Variants in CPPED1 observed in about 807,000 individuals in gnomAD.
The protein encoded by CPPED1 is serine/threonine-protein phosphatase CPPED1.
A neutral mutation model predicts 28.0 loss-of-function variants in CPPED1; 28 were observed. The ratio of observed to expected loss-of-function variants is 1.00; its 90% CI spans 0.74 to 1.37. CPPED1 has a LOEUF of 1.37. Among genes scored for constraint, CPPED1 ranks in the 40% most tolerant of loss-of-function variants. CPPED1 has a pLI of 0.00. For missense variants in CPPED1, 504 were observed against 416.5 expected (o/e 1.21, Z -1.83); for synonymous variants, 198 against 180.2 (o/e 1.10, Z -0.79).
chr16:12,799,212 G>T (rs904865131), intron 1 of CPPED1, among the ~76,000 whole-genome samples: 2 of 150,174 alleles, frequency 1.3e-5, no homozygotes, highest in Admixed American at 6.6e-5. Context: ...CTTTGATGGT[G>T]TGTGTTTTGG....
intron 1 of CPPED1, among the ~76,000 whole-genome samples, chr16:12,788,373 A>G (rs2080576823): frequency 6.6e-6 from 1 of 152,210 alleles, no homozygotes; most frequent in African/African-American, 2.4e-5. Context: ...ATCTCAGTTA[A>G]TGTCACATTT....
intron 2 of CPPED1, among the ~76,000 whole-genome samples, chr16:12,711,496 G>A (rs11075143): frequency 0.51 from 77,600 of 152,026 alleles, 20,309 homozygotes; most frequent in Admixed American, 0.61. Context: ...GTAACGTTAC[G>A]TATATTCTGC....
intron 2 of CPPED1, among the ~76,000 whole-genome samples, chr16:12,772,004 T>A (rs1292011842): frequency 6.6e-6 from 1 of 152,230 alleles, no homozygotes; most frequent in East Asian, 1.9e-4. Flanking sequence ...ATGCCTGTAA[T>A]CCCAGCTACT....
At chr16:12,788,484 T>A (rs1307625830) in intron 1 of CPPED1, among the ~76,000 whole-genome samples, 1 of 152,154 alleles carries the variant, frequency 6.6e-6, no homozygotes, top group Admixed American at 6.5e-5. Context: ...TTTTCCTACC[T>A]AAGTACTAGA....
At chr16:12,696,703 A>G (rs2079992879) in intron 3 of CPPED1, among the ~76,000 whole-genome samples, 1 of 151,996 alleles carries the variant, frequency 6.6e-6, no homozygotes, top group African/African-American at 2.4e-5. Flanking sequence ...TCAGCCTGCC[A>G]AAGTGCTGGG....
chr16:12,793,488 C>A (rs964378862), intron 1 of CPPED1, among the ~76,000 whole-genome samples: 1 of 152,196 alleles, frequency 6.6e-6, no homozygotes, highest in African/African-American at 2.4e-5. Flanking sequence ...CCCATTTCTA[C>A]CCTTTACCAG....
intron 2 of CPPED1, among the ~76,000 whole-genome samples, chr16:12,714,198 G>A (rs553765743): frequency 4.4e-4 from 67 of 152,214 alleles, no homozygotes; most frequent in African/African-American, 1.4e-3. Context: ...GGACGTTTGG[G>A]TTGTTTCTAC....
At chr16:12,755,106 G>A (rs1344740335) in intron 2 of CPPED1, among the ~76,000 whole-genome samples, 1 of 152,042 alleles carries the variant, frequency 6.6e-6, no homozygotes, top group East Asian at 1.9e-4. Flanking sequence ...TCAAGACTAA[G>A]GTGAACAGTT....
intron 2 of CPPED1, among the ~76,000 whole-genome samples, chr16:12,713,309 A>G (rs531324001): frequency 6.6e-6 from 1 of 152,300 alleles, no homozygotes; most frequent in East Asian, 1.9e-4. Flanking sequence ...ATCTGAATGA[A>G]ATAGCATCAA....
chr16:12,710,679 T>C (rs958953091), intron 2 of CPPED1, among the ~76,000 whole-genome samples: 2 of 152,196 alleles, frequency 1.3e-5, no homozygotes, highest in East Asian at 1.9e-4. Context: ...TGGCAAAGGA[T>C]TGAACAGACA....
intron 2 of CPPED1, among the ~76,000 whole-genome samples, chr16:12,717,481 G>A (rs1298108374): frequency 2.6e-5 from 4 of 152,134 alleles, no homozygotes; most frequent in Non-Finnish European, 4.4e-5. Context: ...AGCCAGGATG[G>A]TCTCAATCTC....
chr16:12,678,664 A>AT (rs2141170846), intron 3 of CPPED1, among the ~76,000 whole-genome samples: 1 of 152,262 alleles, frequency 6.6e-6, no homozygotes, highest in South Asian at 2.1e-4. Flanking sequence ...AAATTGAATT[A>AT]TTTTTGTAAT....
At chr16:12,772,049 G>C (rs2080473134) in intron 2 of CPPED1, among the ~76,000 whole-genome samples, 2 of 152,132 alleles carry the variant, frequency 1.3e-5, no homozygotes, top group Admixed American at 6.6e-5. Context: ...CTTGAACCCG[G>C]GAGGCGGAGG....
chr16:12,742,658 T>G (rs2080262490), intron 2 of CPPED1, among the ~76,000 whole-genome samples: 1 of 152,142 alleles, frequency 6.6e-6, no homozygotes, highest in Non-Finnish European at 1.5e-5. Context: ...GATGTTCAGA[T>G]GAAGACATGA....
chr16:12,742,738 G>C (rs1031719313), intron 2 of CPPED1, among the ~76,000 whole-genome samples: 2 of 152,168 alleles, frequency 1.3e-5, no homozygotes, highest in African/African-American at 2.4e-5. Flanking sequence ...GTGGGGAAAC[G>C]ACAGTTGTTG....
At chr16:12,730,972 G>T (rs1244395723) in intron 2 of CPPED1, among the ~76,000 whole-genome samples, 1 of 152,088 alleles carries the variant, frequency 6.6e-6, no homozygotes, top group Admixed American at 6.6e-5. Context: ...AAGATGGCTT[G>T]AAACTGCATG....
intron 3 of CPPED1, among the ~76,000 whole-genome samples, chr16:12,696,877 T>G (rs1313799815): frequency 6.6e-6 from 1 of 152,120 alleles, no homozygotes; most frequent in Non-Finnish European, 1.5e-5. Flanking sequence ...CCCAAGCAAC[T>G]TAAGAAGCCA....
At chr16:12,681,608 G>GTCT (rs2079905249) in intron 3 of CPPED1, among the ~76,000 whole-genome samples, 3 of 152,110 alleles carry the variant, frequency 2.0e-5, no homozygotes, top group Admixed American at 1.3e-4. Flanking sequence ...TAAGAATGTG[G>GTCT]GAGATGGGGA....
chr16:12,789,212 T>C (rs1285135544), intron 1 of CPPED1, among the ~76,000 whole-genome samples: 1 of 151,780 alleles, frequency 6.6e-6, no homozygotes, highest in Admixed American at 6.6e-5. Flanking sequence ...TGCTCTCAAA[T>C]TTGCCACAGT....
Sources: allele counts gnomAD v4.1 joint callset (sites outside exome capture counted in the v4.1 genomes callset), GRCh38; gene constraint gnomAD v4.1.1; transcripts MANE v1.5; gene names NCBI Gene and HGNC (gene_info 2026-07-23, HGNC 2026-07-21).